Variants in UNK observed in about 807,000 individuals in gnomAD.
The protein encoded by UNK is unk zinc finger.
A neutral mutation model predicts 97.6 loss-of-function variants in UNK; 32 were observed. The ratio of observed to expected loss-of-function variants is 0.33; its 90% CI spans 0.25 to 0.44. The LOEUF is 0.44. Among genes scored for constraint, UNK ranks in the 20% least tolerant of loss-of-function variants. The pLI is 1.00. For missense variants in UNK, 771 were observed against 1,098.4 expected (o/e 0.70, Z 4.21); for synonymous variants, 441 against 461.2 (o/e 0.96, Z 0.56).
chr17:75,799,608 A>G (rs1224970682), intron 1 of UNK, among the ~76,000 whole-genome samples: 1 of 152,120 alleles, frequency 6.6e-6, no homozygotes, highest in Non-Finnish European at 1.5e-5. Context: ...CCACATCTCA[A>G]GCACCTGCTG....
chr17:75,815,899 A>T (rs2062011970), intron 7 of UNK, among the ~76,000 whole-genome samples: 1 of 152,004 alleles, frequency 6.6e-6, no homozygotes, highest in African/African-American at 2.4e-5. Context: ...AAAAAAAAAA[A>T]AAAAAAATTA....
Position 75,813,274 on chromosome 17 carries a change from G to A in UNK, c.758+61G>A. The A allele has an allele frequency of 2.6e-6, 4 of 1,515,578 alleles. No individual in the cohort carries two copies. In the South Asian group the frequency reaches 4.9e-5, roughly 19 times the overall value. 93.9% of individuals were successfully genotyped at this position (1,515,578 alleles called of 1,614,324 possible). A position where few individuals can be genotyped will look rare whatever the true frequency, so the allele number is the denominator to read the frequency against. ...GGAGTGGCAGGGAAGGGGTCAGGCA[G>A]AGGCTGCTCCCACTGGCTCTCCGGG... is the stretch of plus-strand genomic sequence containing the variant. On this transcript the variant is annotated intron_variant, in intron 5 of 15. Coordinates refer to ENST00000589666, the MANE Select transcript of UNK (RefSeq NM_001080419.3).
Position 75,819,362 on chromosome 17 carries a change from G to A in UNK, c.1547-322G>A, listed in dbSNP as rs1304674950. On this transcript the variant is annotated intron_variant, in intron 11 of 15. Transcript: ENST00000589666. This position sits in a 1 kb window ranked among gnomAD's most constrained non-coding sequence, Gnocchi z 5.4. ...AGACCCGCCCACCCCCACTGATCCC[G>A]GGGCTGAGACCCTTGAGTTGTAACA... The A allele has an allele frequency of 2.0e-5, 7 of 353,332 alleles. No homozygotes were observed. Among genetic ancestry groups the A allele is most frequent in the Non-Finnish European group, 3.7e-5 (7 of 189,898 alleles). 21.9% of individuals were successfully genotyped at this position (353,332 alleles called of 1,614,324 possible).
chr17:75,791,570 C>T (rs964145518), intron 1 of UNK, among the ~76,000 whole-genome samples: 1 of 152,218 alleles, frequency 6.6e-6, no homozygotes, highest in Non-Finnish European at 1.5e-5. Flanking sequence ...TCAAGTAGAA[C>T]TAATTTCTTG....
At chr17:75,803,514 G>C (rs1036541385) in intron 1 of UNK, among the ~76,000 whole-genome samples, 1 of 152,150 alleles carries the variant, frequency 6.6e-6, no homozygotes, top group Admixed American at 6.5e-5. Context: ...TACAGCTGGT[G>C]GTGGTAAAAA....
intron 1 of UNK, chr17:75,794,113 A>ACT (rs1483141200): frequency 1.0e-6 from 1 of 981,756 alleles, no homozygotes; most frequent in Admixed American, 6.1e-5. Context: ...AAACAAAGTA[A>ACT]CGTCTGTTTT....
chr17:75,820,701 T>G (rs1005146962), intron 13 of UNK, among the ~76,000 whole-genome samples: 1 of 152,184 alleles, frequency 6.6e-6, no homozygotes, highest in Non-Finnish European at 1.5e-5. Context: ...CACAGAGGCC[T>G]GTGCCACTGC....
At chr17:75,796,954 T>G (rs2061811651) in intron 1 of UNK, among the ~76,000 whole-genome samples, 1 of 152,214 alleles carries the variant, frequency 6.6e-6, no homozygotes, top group Non-Finnish European at 1.5e-5. Context: ...ACTACATTTC[T>G]TTTTAGGAGT....
chr17:75,820,632 G>C (rs1158494463), intron 13 of UNK, among the ~76,000 whole-genome samples: 3 of 152,200 alleles, frequency 2.0e-5, no homozygotes, highest in Non-Finnish European at 4.4e-5. Context: ...CACAGAATTA[G>C]AATGGTATGG....
chr17:75,811,877 C>A (rs926969346), intron 2 of UNK, among the ~76,000 whole-genome samples: 8 of 152,162 alleles, frequency 5.3e-5, no homozygotes, highest in Non-Finnish European at 1.2e-4. Context: ...GTCCCAGCTA[C>A]TCGGGAGGCT....
chr17:75,784,845 A>G lies in UNK; in HGVS notation c.-36A>G. On this transcript the variant is annotated 5_prime_UTR_variant, in exon 1 of 16. The change creates a new upstream start codon in the 5' untranslated region. Transcript: ENST00000589666. ...GCGCGGACCGCGCAGACTGAATAAT[A>G]AAAGGGGAGCGGCGAAGAGGCAGGA... The G allele has an allele frequency of 1.9e-6, 3 of 1,596,652 alleles. No homozygotes were observed. Among genetic ancestry groups the G allele is most frequent in the Non-Finnish European group, 2.6e-6 (3 of 1,167,078 alleles).
chr17:75,810,427 GACAT>G (rs2061958282), intron 2 of UNK, among the ~76,000 whole-genome samples: 1 of 148,038 alleles, frequency 6.8e-6, no homozygotes, highest in Non-Finnish European at 1.5e-5. Context: ...ACTAATGACA[GACAT>G]AGGGAGGTGC....
rs910064094 is a variant in UNK, at chr17:75,807,259, T to A, written c.105-2501T>A. Among the ~76,000 whole-genome samples, 12 of 152,260 alleles carry A rather than the reference T, an allele frequency of 7.9e-5. No homozygotes were observed. In the East Asian group the frequency reaches 2.3e-3, roughly 29 times the overall value. On this transcript the variant is annotated intron_variant, in intron 1 of 15. Coordinates refer to ENST00000589666, the MANE Select transcript of UNK (RefSeq NM_001080419.3). ...GATGCCAGCTGGGAATAGTGGCGTA[T>A]ACCTGCAATCCCAGCTACTCTGGAG...
chr17:75,785,222 A>G (rs975198634), intron 1 of UNK: 1 of 495,856 alleles, frequency 2.0e-6, no homozygotes, highest in African/African-American at 2.1e-5. Flanking sequence ...GGAAGGCGGG[A>G]GCTCGGGATG....
At chr17:75,810,035 A>C in intron 2 of UNK, 66 bp downstream of exon 2, 1 of 1,577,060 alleles carries the variant, frequency 6.3e-7, no homozygotes, top group Non-Finnish European at 8.7e-7. Context: ...CCCTCAGGGT[A>C]GGCTGGGCAG....
intron 1 of UNK, among the ~76,000 whole-genome samples, chr17:75,786,522 A>T (rs1008928145): frequency 1.4e-4 from 21 of 152,208 alleles, no homozygotes; most frequent in African/African-American, 5.1e-4. Flanking sequence ...ATTAAATGTC[A>T]GTATCTGAGT....
rs1044419666 is a variant in UNK at position 75,817,195 on chromosome 17, C to T, written c.1105-131C>T. 1 of 1,143,764 alleles carries T rather than the reference C, an allele frequency of 8.7e-7. No individual in the cohort carries two copies. Among genetic ancestry groups the T allele is most frequent in the Non-Finnish European group, 1.2e-6 (1 of 823,924 alleles). 70.9% of individuals were successfully genotyped at this position (1,143,764 alleles called of 1,614,324 possible). The stretch of plus-strand genomic sequence containing the variant: ...GTGAGCTTCGGGCTCCCCGAGTGGT[C>T]ACTGCTGCTCGTTGGCAGATGAAAG... On this transcript the variant is annotated intron_variant, in intron 8 of 15. Coordinates refer to ENST00000589666, the MANE Select transcript of UNK (RefSeq NM_001080419.3). This position sits in a 1 kb window ranked among gnomAD's most constrained non-coding sequence, Gnocchi z 5.8.
chr17:75,784,993 A>AG lies in UNK; in HGVS notation c.104+10dup. The AG allele has an allele frequency of 9.0e-7, 1 of 1,109,906 alleles. No individual in the cohort carries two copies. Among genetic ancestry groups the AG allele is most frequent in the Non-Finnish European group, 1.2e-6 (1 of 855,588 alleles). The allele number at this position is 1,109,906 out of a possible 1,614,324, so 68.8% of individuals were successfully genotyped here. ...AAACCGCAGCACTACACGTACGTAG[A>AG]GCCCCCCCCCCCCCGCCGCGCGCGC... On this transcript the variant is annotated intron_variant, in intron 1 of 15. Transcript: ENST00000589666.
chr17:75,799,888 G>C lies in UNK; in HGVS notation c.105-9872G>C, dbSNP rs142375354. On this transcript the variant is annotated intron_variant, in intron 1 of 15. Transcript: ENST00000589666. ...TAATCCCAGCACTTAGGGAGCAGAG[G>C]CCAGAGGATAGCTAGAGCCCAGGAG... 4.2e-3 allele frequency among the ~76,000 whole-genome samples: 632 copies of C among 152,234 alleles called. 6 individuals are homozygous for C. Among genetic ancestry groups the C allele is most frequent in the South Asian group, 0.014 (68 of 4,818 alleles).
Sources: allele counts gnomAD v4.1 joint callset (sites outside exome capture counted in the v4.1 genomes callset), GRCh38; gene constraint gnomAD v4.1.1; non-coding constraint Gnocchi (gnomAD v3.1); transcripts MANE v1.5; gene names NCBI Gene and HGNC (gene_info 2026-07-23, HGNC 2026-07-21).